The following KIF5C variants were observed in gnomAD, a reference collection of about 807,000 sequenced individuals.
KIF5C encodes kinesin heavy chain isoform 5C.
Under a neutral mutation model 125.2 loss-of-function variants are expected in KIF5C, and 18 were observed. The observed-to-expected ratio is 0.14, with a 90% CI of 0.10 to 0.21. The LOEUF (loss-of-function observed/expected upper bound fraction) is 0.21. Ranked by LOEUF, KIF5C falls within the 10% of genes least tolerant of loss-of-function variation. The pLI, the probability that KIF5C is intolerant of heterozygous loss-of-function variation, is 1.00. For synonymous variants in KIF5C, 405 were observed against 434.0 expected (o/e 0.93, Z 0.83); for missense variants, 780 against 1,183.8 (o/e 0.66, Z 5.01).
At chr2:148,904,486 T>C (rs1204447568) in intron 1 of KIF5C, among the ~76,000 whole-genome samples, 1 of 152,174 alleles carries the variant, frequency 6.6e-6, no homozygotes, top group African/African-American at 2.4e-5. Context: ...ACCTTTCAGA[T>C]GTTGGCTATC....
chr2:148,902,098 T>C (rs753558162), intron 1 of KIF5C, among the ~76,000 whole-genome samples: 15 of 152,180 alleles, frequency 9.9e-5, no homozygotes, highest in Non-Finnish European at 1.8e-4. Context: ...ACAGTCAGCG[T>C]TGGTCCATAA....
At chr2:149,006,519 T>G (rs896204528) in intron 22 of KIF5C, among the ~76,000 whole-genome samples, 6 of 152,194 alleles carry the variant, frequency 3.9e-5, no homozygotes, top group African/African-American at 1.2e-4. Flanking sequence ...CCAAGGAGAC[T>G]AGACATGGTT....
At chr2:148,961,912 T>C in intron 10 of KIF5C, 59 bp from the exon 11 acceptor site, 1 of 1,557,902 alleles carries the variant, frequency 6.4e-7, no homozygotes, top group East Asian at 2.3e-5. Flanking sequence ...GGCTTAATCA[T>C]ATTGGTTTAG....
chr2:148,936,606 C>G (rs1682297842), intron 3 of KIF5C, among the ~76,000 whole-genome samples: 1 of 152,166 alleles, frequency 6.6e-6, no homozygotes, highest in Non-Finnish European at 1.5e-5. Context: ...CTATCCCTAT[C>G]CCCACCCACT....
intron 12 of KIF5C, among the ~76,000 whole-genome samples, chr2:148,975,818 CTT>C (rs1047082171): frequency 1.3e-5 from 2 of 152,166 alleles, no homozygotes; most frequent in Non-Finnish European, 2.9e-5. Context: ...GCTGAAGGTG[CTT>C]TTTCTCATCT....
At chr2:148,910,146 C>G (rs1379267699) in intron 1 of KIF5C, among the ~76,000 whole-genome samples, 1 of 151,992 alleles carries the variant, frequency 6.6e-6, no homozygotes, top group African/African-American at 2.4e-5. Context: ...TGCAGGGAAT[C>G]CAAAGATGGG....
chr2:148,935,183 C>T (rs1489329905), intron 3 of KIF5C: 2 of 206,538 alleles, frequency 9.7e-6, no homozygotes, highest in Admixed American at 5.7e-5. Flanking sequence ...ATTCATCTCT[C>T]GTTCTGCCTT....
intron 22 of KIF5C, among the ~76,000 whole-genome samples, chr2:149,006,213 G>T (rs141515527): frequency 6.6e-6 from 1 of 152,044 alleles, no homozygotes; most frequent in Non-Finnish European, 1.5e-5. Flanking sequence ...GTGTGTGTAC[G>T]TGTGTGTGTG....
At chr2:148,955,260 T>C (rs1442932107) in intron 10 of KIF5C, among the ~76,000 whole-genome samples, 1 of 152,234 alleles carries the variant, frequency 6.6e-6, no homozygotes, top group Non-Finnish European at 1.5e-5. Context: ...TCAGCTTGGC[T>C]AGGCCATAGT....
intron 1 of KIF5C, among the ~76,000 whole-genome samples, chr2:148,904,498 T>C (rs533145228): frequency 6.6e-6 from 1 of 152,326 alleles, no homozygotes; most frequent in East Asian, 1.9e-4. Context: ...TTGGCTATCA[T>C]ATTATTTATT....
chr2:148,976,633 G>A (rs921029739), intron 12 of KIF5C, among the ~76,000 whole-genome samples: 4 of 151,430 alleles, frequency 2.6e-5, no homozygotes, highest in African/African-American at 9.7e-5. Context: ...AGAGTGCAGT[G>A]GTGAAATCAC....
chr2:148,942,008 T>C lies in KIF5C; in HGVS notation c.501+18T>C, dbSNP rs371397019. On this transcript the variant is annotated intron_variant, in intron 6 of 25. Coordinates refer to ENST00000435030, the MANE Select transcript of KIF5C (RefSeq NM_004522.3). ...ATGTAAAGGTATGAGGAAGATTTGA[T>C]TGGTGATGCAATTAATTTCTCTCCA... is the stretch of plus-strand genomic sequence containing the variant. 2 of 1,607,932 alleles carry C rather than the reference T, an allele frequency of 1.2e-6. No homozygotes were observed. Among genetic ancestry groups the C allele is most frequent in the African/African-American group, 1.3e-5 (1 of 74,692 alleles).
intron 10 of KIF5C, among the ~76,000 whole-genome samples, chr2:148,952,168 C>T (rs1398260373): frequency 1.3e-5 from 2 of 152,150 alleles, no homozygotes; most frequent in Non-Finnish European, 2.9e-5. Flanking sequence ...AACAAGATCG[C>T]ATCCTGCCCA....
intron 10 of KIF5C, among the ~76,000 whole-genome samples, chr2:148,960,460 G>A (rs115907981): frequency 3.9e-5 from 6 of 152,324 alleles, no homozygotes; most frequent in African/African-American, 1.4e-4. Flanking sequence ...ATGTCAGGAG[G>A]AGAGGTGAGA....
At chr2:148,939,296 T>C (rs1283670087) in intron 4 of KIF5C, among the ~76,000 whole-genome samples, 2 of 152,232 alleles carry the variant, frequency 1.3e-5, no homozygotes, top group Admixed American at 1.3e-4. Flanking sequence ...AACTATAAAT[T>C]ACATCTAGCA....
intron 12 of KIF5C, 83 bp downstream of exon 12, chr2:148,973,594 G>A (rs1355912112): frequency 3.4e-6 from 5 of 1,464,640 alleles, no homozygotes; most frequent in Non-Finnish European, 4.5e-6. Context: ...GGCTGATGTA[G>A]GGCTACAGCC....
At chr2:148,976,245 T>TTTA (rs1553468293) in intron 12 of KIF5C, among the ~76,000 whole-genome samples, 6 of 143,876 alleles carry the variant, frequency 4.2e-5, no homozygotes, top group Admixed American at 3.5e-4. Flanking sequence ...TATTATTTTG[T>TTTA]TTTATTTATT....
rs71406035 is a variant in KIF5C, at chr2:148,978,334, G to GTTT, written c.1294-562_1294-560dup. On this transcript the variant is annotated intron_variant, in intron 12 of 25. Transcript: ENST00000435030. ...GCTTCTGTCCCTCAGCTGCCCTGAG[G>GTTT]TTTTTTTTTTTTTTTTTTTTTTTTT... Among the ~76,000 whole-genome samples, 248 of 78,650 alleles carry GTTT rather than the reference G, an allele frequency of 3.2e-3. 18 individuals are homozygous for GTTT. The highest frequency in any genetic ancestry group is 3.4e-3 in the Non-Finnish European group (145 of 43,062). 51.6% of individuals were successfully genotyped at this position (78,650 alleles called of 152,430 possible). A position where few individuals can be genotyped will look rare whatever the true frequency, so the allele number is the denominator to read the frequency against.
intron 2 of KIF5C, among the ~76,000 whole-genome samples, chr2:148,927,485 G>GGTGTGTGTGTGT (rs368235008): frequency 7.4e-5 from 11 of 149,610 alleles, no homozygotes; most frequent in South Asian, 2.1e-4. Flanking sequence ...GCCCTTTCAG[G>GGTGTGTGTGTGT]GTGTGTGTGT....
Sources: gnomAD v4.1 joint callset for allele counts (sites outside exome capture counted in the v4.1 genomes callset) on GRCh38, gnomAD v4.1.1 for gene constraint, MANE v1.5 for transcripts, NCBI Gene and HGNC (gene_info 2026-07-23, HGNC 2026-07-21) for gene names.